The following PPM1H variants were observed in gnomAD, a reference collection of about 807,000 sequenced individuals.
PPM1H encodes protein phosphatase, Mg2+/Mn2+ dependent 1H, also known as protein phosphatase 1H.
A neutral mutation model predicts 54.9 loss-of-function variants in PPM1H; 27 were observed. That is an observed-to-expected ratio of 0.49 (90% CI 0.36 to 0.68). The LOEUF (loss-of-function observed/expected upper bound fraction) is 0.68. Ranked by LOEUF, PPM1H falls within the 30% of genes least tolerant of loss-of-function variation. PPM1H has a pLI of 0.00. For synonymous variants in PPM1H, 305 were observed against 270.8 expected, an observed-to-expected ratio of 1.13 and a Z score of -1.24; for missense variants, 596 against 667.8, an observed-to-expected ratio of 0.89 and a Z score of 1.19.
intron 6 of PPM1H, among the ~76,000 whole-genome samples, chr12:62,697,075 C>T (rs1027877555): frequency 4.6e-5 from 7 of 151,384 alleles, no homozygotes; most frequent in East Asian, 1.9e-4. Flanking sequence ...GTGGCTACTA[C>T]GGTACTGGGT....
intron 4 of PPM1H, among the ~76,000 whole-genome samples, chr12:62,777,447 G>T (rs956828385): frequency 6.6e-6 from 1 of 152,104 alleles, no homozygotes; most frequent in South Asian, 2.1e-4. Context: ...CTCATGGAAG[G>T]CATAAAAATA....
chr12:62,900,137 C>T (rs1230782502), intron 1 of PPM1H, among the ~76,000 whole-genome samples: 3 of 152,192 alleles, frequency 2.0e-5, no homozygotes, highest in African/African-American at 7.2e-5. Context: ...TGGACTAACA[C>T]CGAGCTGTAG....
intron 1 of PPM1H, among the ~76,000 whole-genome samples, chr12:62,906,239 A>T (rs532669631): frequency 6.6e-6 from 1 of 152,350 alleles, no homozygotes; most frequent in Admixed American, 6.5e-5. Flanking sequence ...CTAACACTGG[A>T]CACTATCAAA....
chr12:62,687,344 T>A (rs1398397314), intron 8 of PPM1H, among the ~76,000 whole-genome samples: 2 of 152,208 alleles, frequency 1.3e-5, no homozygotes, highest in Admixed American at 6.5e-5. Context: ...CATGGCTCAC[T>A]GCAACTTCGA....
chr12:62,683,075 ATTATTATTATTT>A (rs2076031664), intron 8 of PPM1H, among the ~76,000 whole-genome samples: 2 of 118,394 alleles, frequency 1.7e-5, no homozygotes, highest in South Asian at 2.5e-4. Flanking sequence ...TATTATTATT[ATTATTATTATTT>A]TTGTAGAGAC....
At chr12:62,783,900 G>A (rs2076656302) in intron 4 of PPM1H, among the ~76,000 whole-genome samples, 1 of 152,186 alleles carries the variant, frequency 6.6e-6, no homozygotes, top group Non-Finnish European at 1.5e-5. Context: ...GAGATGAAAT[G>A]AAATGATCTC....
chr12:62,762,148 T>A (rs1236131175), intron 4 of PPM1H, among the ~76,000 whole-genome samples: 1 of 152,208 alleles, frequency 6.6e-6, no homozygotes, highest in African/African-American at 2.4e-5. Flanking sequence ...GTATGGCCCA[T>A]TTTAGGAGTT....
chr12:62,651,440 G>A (rs2075815629), intron 9 of PPM1H, among the ~76,000 whole-genome samples: 1 of 152,136 alleles, frequency 6.6e-6, no homozygotes, highest in African/African-American at 2.4e-5. Flanking sequence ...ATGAACAAGA[G>A]ACCACCCTGA....
intron 1 of PPM1H, among the ~76,000 whole-genome samples, chr12:62,909,396 A>G (rs1027038072): frequency 3.9e-5 from 6 of 152,272 alleles, no homozygotes; most frequent in African/African-American, 1.4e-4. Flanking sequence ...CACTGGCCTC[A>G]GCCATCTAAT....
intron 5 of PPM1H, among the ~76,000 whole-genome samples, chr12:62,725,047 A>AG (rs2076282836): frequency 6.6e-6 from 1 of 152,214 alleles, no homozygotes; most frequent in Non-Finnish European, 1.5e-5. Context: ...CTCAAAGCTA[A>AG]GGGTGCAGAA....
intron 4 of PPM1H, among the ~76,000 whole-genome samples, chr12:62,783,072 T>A (rs1419908076): frequency 6.6e-6 from 1 of 152,050 alleles, no homozygotes; most frequent in East Asian, 1.9e-4. Context: ...GCTCAAGTAA[T>A]CCTCCCACCT....
intron 2 of PPM1H, among the ~76,000 whole-genome samples, chr12:62,810,311 C>G (rs2076827244): frequency 6.6e-6 from 1 of 152,176 alleles, no homozygotes; most frequent in African/African-American, 2.4e-5. Flanking sequence ...TCTCAGCTCC[C>G]TGAGGCCAAG....
chr12:62,663,634 T>C (rs1372073917), intron 9 of PPM1H, among the ~76,000 whole-genome samples: 1 of 152,220 alleles, frequency 6.6e-6, no homozygotes, highest in Non-Finnish European at 1.5e-5. Flanking sequence ...TGGTTATAAT[T>C]GTACTGATTC....
chr12:62,726,758 C>T (rs1041638916), intron 5 of PPM1H, among the ~76,000 whole-genome samples: 1 of 152,192 alleles, frequency 6.6e-6, no homozygotes, highest in Non-Finnish European at 1.5e-5. Context: ...GCTAGAATTA[C>T]TTCATTTGTA....
intron 4 of PPM1H, among the ~76,000 whole-genome samples, chr12:62,752,349 T>C (rs541046354): frequency 1.1e-3 from 165 of 152,352 alleles, no homozygotes; most frequent in African/African-American, 3.7e-3. Flanking sequence ...CTTAAGGAAC[T>C]GTATGAAAGA....
At chr12:62,652,015 G>T (rs915696263) in intron 9 of PPM1H, among the ~76,000 whole-genome samples, 17 of 152,040 alleles carry the variant, frequency 1.1e-4, no homozygotes, top group African/African-American at 3.4e-4. Context: ...TCCTTTGTAG[G>T]CCCTAACTAA....
intron 3 of PPM1H, among the ~76,000 whole-genome samples, chr12:62,791,656 C>T (rs1217780676): frequency 1.3e-5 from 2 of 152,190 alleles, no homozygotes; most frequent in Non-Finnish European, 2.9e-5. Flanking sequence ...CGTGGTGGCT[C>T]ATGCCTGTAA....
rs17098126 is a variant in PPM1H, at chr12:62,646,483, G to A, written c.*2006C>T. ...TTGCTCAGGTTTCCTACTTACACAT[G>A]ACTCTGAGTGCCAGGGCAGAACAGG... is the stretch of plus-strand genomic sequence containing the variant. On this transcript the variant is annotated 3_prime_UTR_variant, in exon 10 of 10. Coordinates refer to ENST00000228705, the MANE Select transcript of PPM1H (RefSeq NM_020700.2). 0.03 allele frequency: 4,554 copies of A among 152,314 alleles called. 108 individuals are homozygous for A. The highest frequency in any genetic ancestry group is 0.11 in the South Asian group (520 of 4,822). 9.4% of individuals were successfully genotyped at this position (152,314 alleles called of 1,614,324 possible).
chr12:62,733,184 C>T (rs1021064992), intron 5 of PPM1H, among the ~76,000 whole-genome samples: 2 of 152,098 alleles, frequency 1.3e-5, no homozygotes, highest in African/African-American at 4.8e-5. Flanking sequence ...TCAAATGACT[C>T]ATGACTGGGC....
Sources: allele counts gnomAD v4.1 joint callset (sites outside exome capture counted in the v4.1 genomes callset), GRCh38; gene constraint gnomAD v4.1.1; transcripts MANE v1.5; gene names NCBI Gene and HGNC (gene_info 2026-07-23, HGNC 2026-07-21).